FGD4: variants seen among roughly 807,000 people sequenced by gnomAD.
FGD4 encodes the protein FYVE, RhoGEF and PH domain containing 4.
Under a neutral mutation model 102.0 loss-of-function variants are expected in FGD4, and 42 were observed. That is an observed-to-expected ratio of 0.41 (90% CI 0.32 to 0.53). FGD4 has a LOEUF of 0.53. FGD4 is among the 20% of genes least tolerant of loss of function. The pLI, the probability that FGD4 is intolerant of heterozygous loss-of-function variation, is 0.21. For synonymous variants in FGD4, 380 were observed against 375.7 expected (o/e 1.01, Z -0.13); for missense variants, 902 against 1,078.2 (o/e 0.84, Z 2.29).
chr12:32,625,907 C>G, intron 14 of FGD4, 128 bp downstream of exon 14: 1 of 1,267,238 alleles, frequency 7.9e-7, no homozygotes, highest in East Asian at 2.4e-5. Flanking sequence ...GTGCCAATTA[C>G]GTGCAGAGGA....
At chr12:32,555,568 T>C (rs1944030430) in intron 1 of FGD4, among the ~76,000 whole-genome samples, 1 of 145,138 alleles carries the variant, frequency 6.9e-6, no homozygotes, top group Non-Finnish European at 1.5e-5. Context: ...AGAGACAAGG[T>C]CTTTTTTTTT....
intron 1 of FGD4, among the ~76,000 whole-genome samples, chr12:32,432,886 T>C (rs1050715607): frequency 3.3e-5 from 5 of 152,218 alleles, no homozygotes; most frequent in African/African-American, 1.2e-4. Flanking sequence ...TCAAAATACA[T>C]ATTTTAATGC....
chr12:32,502,219 T>C (rs1470311748), intron 1 of FGD4: 23 of 985,512 alleles, frequency 2.3e-5, no homozygotes, highest in Non-Finnish European at 2.7e-5. Flanking sequence ...GGTGAGATTA[T>C]CTGCAATGGA....
At chr12:32,479,694 T>C (rs1290908459) in intron 1 of FGD4, among the ~76,000 whole-genome samples, 1 of 150,956 alleles carries the variant, frequency 6.6e-6, no homozygotes, top group Non-Finnish European at 1.5e-5. Context: ...ATTGTCCAAA[T>C]AGTTATATTC....
In FGD4 at chr12:32,539,712, TA is replaced by T. The variant is rs34533231; in HGVS notation, c.167-24415del. ...AAAATCTGTAGCCAACAGTTAATGT[TA>T]AAAAAAAAAGTTCCCTTCCCCAAAT... On this transcript the variant is annotated intron_variant, in intron 1 of 16. Coordinates refer to ENST00000534526, the MANE Select transcript of FGD4 (RefSeq NM_001370298.3). Among the ~76,000 whole-genome samples, 26 of 149,980 alleles carry T rather than the reference TA, an allele frequency of 1.7e-4. No individual in the cohort carries two copies. In the South Asian group the frequency reaches 3.0e-3, roughly 17 times the overall value.
At chr12:32,606,502 C>G (rs1008624429) in intron 7 of FGD4, among the ~76,000 whole-genome samples, 8 of 146,360 alleles carry the variant, frequency 5.5e-5, no homozygotes, top group Non-Finnish European at 1.0e-4. Context: ...CTGTCCCTTT[C>G]ATTTAACATA....
chr12:32,517,000 A>G (rs990167011), intron 1 of FGD4, among the ~76,000 whole-genome samples: 20 of 152,214 alleles, frequency 1.3e-4, no homozygotes, highest in African/African-American at 4.6e-4. Context: ...CAGGTCTAGC[A>G]TAGTTAGTGG....
chr12:32,489,172 C>T (rs558684839), intron 1 of FGD4, among the ~76,000 whole-genome samples: 4 of 152,228 alleles, frequency 2.6e-5, no homozygotes, highest in Non-Finnish European at 4.4e-5. Context: ...CTCTTCAGTG[C>T]GTGCCTGTAG....
rs1391496111 is a variant in FGD4 at position 32,453,220 on chromosome 12, A to ATTTT, written c.166+53261_166+53262insTTTT. Among the ~76,000 whole-genome samples, 278 of 52,570 alleles carry ATTTT rather than the reference A, an allele frequency of 5.3e-3. 2 individuals are homozygous for ATTTT. Among genetic ancestry groups the ATTTT allele is most frequent in the Middle Eastern group, 0.027 (2 of 74 alleles). The allele number at this position is 52,570 out of a possible 152,430, so 34.5% of individuals were successfully genotyped here. On this transcript the variant is annotated intron_variant, in intron 1 of 16. Coordinates refer to ENST00000534526, the MANE Select transcript of FGD4 (RefSeq NM_001370298.3). Reference sequence around the variant, plus strand: ...ATATATTATATATATATATATATATAATATAGATATATATATATTTTTTTT... The same window carrying ATTTT: ...ATATATTATATATATATATATATATATTTTATATAGATATATATATATTTTTTTT...
At chr12:32,556,759 C>G (rs1944154801) in intron 1 of FGD4, 1 of 151,940 alleles carries the variant, frequency 6.6e-6, no homozygotes, top group East Asian at 2.0e-4. Flanking sequence ...GTTGGGATTA[C>G]AGGTGTGAGC....
intron 4 of FGD4, among the ~76,000 whole-genome samples, chr12:32,585,161 G>A (rs1302169960): frequency 1.1e-4 from 16 of 149,902 alleles, no homozygotes; most frequent in Non-Finnish European, 5.9e-5. Flanking sequence ...GTTGCAGTGA[G>A]CTGAGATCCC....
intron 1 of FGD4, among the ~76,000 whole-genome samples, chr12:32,454,787 G>C (rs1942906405): frequency 6.6e-6 from 1 of 152,144 alleles, no homozygotes; most frequent in South Asian, 2.1e-4. Flanking sequence ...ACAATTTAGA[G>C]TCTCAGAACA....
At chr12:32,493,261 T>C (rs142551609) in intron 1 of FGD4, among the ~76,000 whole-genome samples, 70 of 152,356 alleles carry the variant, frequency 4.6e-4, no homozygotes, top group African/African-American at 1.6e-3. Context: ...ATGTTTCACC[T>C]GATTTCCAGT....
At position 32,551,664 on chromosome 12, in the gene FGD4, G is replaced by A. The variant is rs188071464; in HGVS notation, c.167-12473G>A. On this transcript the variant is annotated intron_variant, in intron 1 of 16. Transcript: ENST00000534526. Reference sequence around the variant, plus strand: ...ACAATTGGTATCCAAACAGCCGAATGTCATGCTTTTAGGGATCAAGGAAAG... The same window carrying A: ...ACAATTGGTATCCAAACAGCCGAATATCATGCTTTTAGGGATCAAGGAAAG... 3.9e-5 allele frequency among the ~76,000 whole-genome samples: 6 copies of A among 152,320 alleles called. No individual in the cohort carries two copies. The East Asian group carries it at 7.7e-4, about 20-fold the overall frequency.
At chr12:32,509,463 GA>G (rs1323088373) in intron 1 of FGD4, among the ~76,000 whole-genome samples, 2 of 151,716 alleles carry the variant, frequency 1.3e-5, no homozygotes, top group African/African-American at 4.8e-5. Flanking sequence ...ACTAATAAAT[GA>G]AAAAAATTCT....
chr12:32,521,008 A>G (rs1409137106), intron 1 of FGD4, among the ~76,000 whole-genome samples: 1 of 152,146 alleles, frequency 6.6e-6, no homozygotes, highest in Non-Finnish European at 1.5e-5. Context: ...GGAACTATTT[A>G]ATGAGACTGT....
At chr12:32,563,060 C>G (rs1944777962) in intron 1 of FGD4, among the ~76,000 whole-genome samples, 1 of 148,248 alleles carries the variant, frequency 6.7e-6, no homozygotes, top group Non-Finnish European at 1.5e-5. Context: ...CCCCACCTCC[C>G]TCCCGGACGG....
intron 2 of FGD4, among the ~76,000 whole-genome samples, chr12:32,573,942 C>G (rs1945907320): frequency 1.3e-5 from 2 of 152,116 alleles, no homozygotes; most frequent in South Asian, 4.1e-4. Flanking sequence ...CAATTCCTGC[C>G]TTGTGGAGGA....
chr12:32,469,414 G>C (rs1387721397), intron 1 of FGD4, among the ~76,000 whole-genome samples: 2 of 151,668 alleles, frequency 1.3e-5, no homozygotes, highest in Admixed American at 1.3e-4. Context: ...AAGTAGCTGG[G>C]ACTACAGGTG....
Sources: gnomAD v4.1 joint callset for allele counts (sites outside exome capture counted in the v4.1 genomes callset) on GRCh38, gnomAD v4.1.1 for gene constraint, MANE v1.5 for transcripts, NCBI Gene and HGNC (gene_info 2026-07-23, HGNC 2026-07-21) for gene names.